Variants in ASIC2 observed in about 807,000 individuals in gnomAD.
ASIC2 encodes the protein acid sensing ion channel subunit 2, also known as acid-sensing ion channel 2.
Under a neutral mutation model 57.3 loss-of-function variants are expected in ASIC2, and 25 were observed. That is an observed-to-expected ratio of 0.44 (90% CI 0.32 to 0.61). The LOEUF (loss-of-function observed/expected upper bound fraction) is 0.61. ASIC2 is among the 20% of genes least tolerant of loss of function. The pLI is 0.06. For synonymous variants in ASIC2, 319 were observed against 307.5 expected, an observed-to-expected ratio of 1.04 and a Z score of -0.39; for missense variants, 641 against 738.1, an observed-to-expected ratio of 0.87 and a Z score of 1.52.
At chr17:34,082,388 TA>T (rs1195861665) in intron 1 of ASIC2, among the ~76,000 whole-genome samples, 1 of 152,208 alleles carries the variant, frequency 6.6e-6, no homozygotes, top group Non-Finnish European at 1.5e-5. Flanking sequence ...TGTATTCTAG[TA>T]TTACCATCGT....
chr17:33,105,803 G>A (rs2141981363), intron 2 of ASIC2, among the ~76,000 whole-genome samples: 1 of 152,308 alleles, frequency 6.6e-6, no homozygotes, highest in Non-Finnish European at 1.5e-5. Context: ...ATGGAGATGA[G>A]GAACTTGTTG....
At chr17:33,580,096 G>C (rs12451921) in intron 1 of ASIC2, 3 of 152,134 alleles carry the variant, frequency 2.0e-5, no homozygotes, top group Admixed American at 6.5e-5. Context: ...CTGGCTTCAC[G>C]TCTTATTAAC....
At chr17:33,890,079 C>T (rs1025528713) in intron 1 of ASIC2, among the ~76,000 whole-genome samples, 1 of 152,114 alleles carries the variant, frequency 6.6e-6, no homozygotes, top group Non-Finnish European at 1.5e-5. Flanking sequence ...AGCCACAAGT[C>T]GTTATTTAAA....
chr17:34,099,634 GA>G (rs1184123949), intron 1 of ASIC2, among the ~76,000 whole-genome samples: 1 of 115,876 alleles, frequency 8.6e-6, no homozygotes, highest in Non-Finnish European at 1.8e-5. Flanking sequence ...AAAAGAAAAA[GA>G]AAGAAAGAAA....
At chr17:33,805,503 G>C (rs1316602983) in intron 1 of ASIC2, among the ~76,000 whole-genome samples, 1 of 152,182 alleles carries the variant, frequency 6.6e-6, no homozygotes, top group East Asian at 1.9e-4. Flanking sequence ...CTTTCTTTGA[G>C]ATCCCAGAAA....
At chr17:33,430,012 C>T (rs747689136) in intron 1 of ASIC2, among the ~76,000 whole-genome samples, 7 of 152,208 alleles carry the variant, frequency 4.6e-5, no homozygotes, top group South Asian at 2.1e-4. Context: ...AGATCCTACT[C>T]ATTTCACAGA....
intron 1 of ASIC2, among the ~76,000 whole-genome samples, chr17:33,277,306 AATTCACCACCATGAGTCAGGGAAGTTC>A (rs1435257943): frequency 2.6e-5 from 4 of 152,132 alleles, no homozygotes; most frequent in Non-Finnish European, 4.4e-5. Flanking sequence ...TCCCAGTGGC[AATTCACCACCATGAGTCAGGGAAGTTC>A]TGGAATAGGA....
At chr17:33,973,124 C>T (rs371798907) in intron 1 of ASIC2, among the ~76,000 whole-genome samples, 4 of 152,352 alleles carry the variant, frequency 2.6e-5, no homozygotes, top group African/African-American at 2.4e-5. Flanking sequence ...AGTTTCTGGG[C>T]TGGAAGCAGG....
rs550939536 is a variant in ASIC2, at chr17:33,605,882, C to G, written c.556-493815G>C. 2.6e-5 allele frequency among the ~76,000 whole-genome samples: 4 copies of G among 152,288 alleles called. No homozygotes were observed. In the East Asian group the frequency reaches 7.7e-4, roughly 29 times the overall value. On this transcript the variant is annotated intron_variant, in intron 1 of 9. Transcript: ENST00000359872. ...ACATAGCACCCTTTTCTAGCATGCT[C>G]CCCCTGTCCCCACTGAGTCTCGGGC...
chr17:33,577,775 T>C lies in ASIC2; in HGVS notation c.556-465708A>G, dbSNP rs143426061. Reference sequence around the variant, plus strand: ...ATTCCCCTCCTCTGTGTTCACACCATGTTCCACCCGGCCTGCCCCCAACCT... The same window carrying C: ...ATTCCCCTCCTCTGTGTTCACACCACGTTCCACCCGGCCTGCCCCCAACCT... On this transcript the variant is annotated intron_variant, in intron 1 of 9. Transcript: ENST00000359872. Among the ~76,000 whole-genome samples, 7 of 152,268 alleles carry C rather than the reference T, an allele frequency of 4.6e-5. No homozygotes were observed. The East Asian group carries it at 9.7e-4, about 21-fold the overall frequency.
At chr17:33,718,096 A>T (rs1243070654) in intron 1 of ASIC2, among the ~76,000 whole-genome samples, 1 of 152,158 alleles carries the variant, frequency 6.6e-6, no homozygotes, top group Non-Finnish European at 1.5e-5. Flanking sequence ...AAATCTGCGA[A>T]TGCTCAAGTC....
intron 1 of ASIC2, among the ~76,000 whole-genome samples, chr17:33,398,586 GTGA>G (rs746982950): frequency 1.3e-4 from 19 of 151,950 alleles, no homozygotes; most frequent in East Asian, 5.8e-4. Context: ...GATGGTGGTG[GTGA>G]TGATGATGAT....
At chr17:33,220,893 C>A (rs879466192) in intron 1 of ASIC2, among the ~76,000 whole-genome samples, 1 of 152,124 alleles carries the variant, frequency 6.6e-6, no homozygotes, top group South Asian at 2.1e-4. Context: ...TATGATGATA[C>A]CTTGTCTCTA....
chr17:33,887,284 G>A (rs1193139174), intron 1 of ASIC2, among the ~76,000 whole-genome samples: 1 of 152,162 alleles, frequency 6.6e-6, no homozygotes, highest in African/African-American at 2.4e-5. Flanking sequence ...GACATGATGA[G>A]GGTCTCTGTC....
chr17:33,043,909 C>T (rs2091939565), intron 3 of ASIC2, among the ~76,000 whole-genome samples: 1 of 152,148 alleles, frequency 6.6e-6, no homozygotes, highest in Non-Finnish European at 1.5e-5. Flanking sequence ...TGATATAGCA[C>T]TTTGATGAGC....
Position 33,291,983 on chromosome 17 carries a change from C to CGCCGCCTCT in ASIC2, c.124_132dup (p.Arg42_Gly44dup). 7.7e-7 allele frequency: 1 copy of CGCCGCCTCT among 1,291,718 alleles called. No homozygotes were observed. The highest frequency in any genetic ancestry group is 9.7e-7 in the Non-Finnish European group (1 of 1,029,570). The allele number at this position is 1,291,718 out of a possible 1,614,324, so 80.0% of individuals were successfully genotyped here. A position where few individuals can be genotyped will look rare whatever the true frequency, so the allele number is the denominator to read the frequency against. On this transcript the variant is annotated inframe_insertion, in exon 1 of 10. Transcript: ENST00000225823. ...ACCCCTGGCCCCTGCAGCGCCCGCT[C>CGCCGCCTCT]GCCGCCTCTGCCGCCCCCGGGCTGC...
intron 1 of ASIC2, among the ~76,000 whole-genome samples, chr17:33,138,958 G>A (rs1414221315): frequency 6.6e-6 from 1 of 152,212 alleles, no homozygotes; most frequent in Non-Finnish European, 1.5e-5. Flanking sequence ...CCAGCCTGGG[G>A]ATCAGAAGTC....
At chr17:33,415,555 G>A (rs1447792916) in intron 1 of ASIC2, among the ~76,000 whole-genome samples, 1 of 150,150 alleles carries the variant, frequency 6.7e-6, no homozygotes, top group Non-Finnish European at 1.5e-5. Context: ...AATTCATTTA[G>A]TTCAAGATGG....
At chr17:34,039,738 C>T (rs1221749107) in intron 1 of ASIC2, 1 of 1,612,306 alleles carries the variant, frequency 6.2e-7, no homozygotes, top group African/African-American at 1.3e-5. Context: ...CTTTATCACT[C>T]AAGGATCCGA....
Sources: allele counts gnomAD v4.1 joint callset (sites outside exome capture counted in the v4.1 genomes callset), GRCh38; gene constraint gnomAD v4.1.1; transcripts MANE v1.5; gene names NCBI Gene and HGNC (gene_info 2026-07-23, HGNC 2026-07-21).